CEP350: variants seen among roughly 807,000 people sequenced by gnomAD.
The protein encoded by CEP350 is centrosome-associated protein 350.
Under a neutral mutation model 331.8 loss-of-function variants are expected in CEP350, and 126 were observed. The ratio of observed to expected loss-of-function variants is 0.38; its 90% CI spans 0.33 to 0.44. CEP350 has a LOEUF of 0.44. CEP350 is among the 20% of genes least tolerant of loss of function. The pLI is 1.00. For missense variants in CEP350, 3,406 were observed against 3,634.6 expected (o/e 0.94, Z 1.62); for synonymous variants, 1,200 against 1,259.5 (o/e 0.95, Z 1.00).
chr1:179,979,644 C>T (rs879438893), intron 1 of CEP350, among the ~76,000 whole-genome samples: 3 of 151,714 alleles, frequency 2.0e-5, no homozygotes, highest in Non-Finnish European at 4.4e-5. Flanking sequence ...TGAACTGTTT[C>T]CCTTATGTTT....
chr1:180,104,104 G>A (rs1033280151), intron 37 of CEP350, among the ~76,000 whole-genome samples: 5 of 147,250 alleles, frequency 3.4e-5, no homozygotes, highest in Non-Finnish European at 6.0e-5. Context: ...AAATATTTTT[G>A]TTATATTTTA....
chr1:180,108,911 A>T (rs1395201318), intron 37 of CEP350, among the ~76,000 whole-genome samples: 1 of 152,204 alleles, frequency 6.6e-6, no homozygotes, highest in Non-Finnish European at 1.5e-5. Context: ...AAATGTTTAC[A>T]TATCCTCCAA....
intron 28 of CEP350, among the ~76,000 whole-genome samples, chr1:180,076,100 G>A (rs897500402): frequency 2.0e-5 from 3 of 151,880 alleles, no homozygotes; most frequent in African/African-American, 7.3e-5. Context: ...ACCAGTAAAG[G>A]AATTGTACCC....
rs528134458 is a variant in CEP350 at position 180,075,247 on chromosome 1, C to G, written c.5767+26C>G. ...GTAATAAATACTAACTCTGTTCACA[C>G]TACAAACTAAAGCCTAACATAATTG... On this transcript the variant is annotated intron_variant, in intron 28 of 37. Coordinates refer to ENST00000367607, the MANE Select transcript of CEP350 (RefSeq NM_014810.5). The G allele has an allele frequency of 2.4e-5, 38 of 1,554,962 alleles. 1 individual carries two copies. The South Asian group carries it at 4.2e-4, about 17-fold the overall frequency.
At chr1:180,062,920 G>C (rs1658314029) in intron 26 of CEP350, among the ~76,000 whole-genome samples, 1 of 152,202 alleles carries the variant, frequency 6.6e-6, no homozygotes, top group East Asian at 1.9e-4. Flanking sequence ...AATGTATAGT[G>C]AGAGTTTTAT....
In CEP350 at chr1:180,054,488, T is replaced by C. The variant is rs766166848; in HGVS notation, c.5248T>C (p.Leu1750=). 2.5e-6 allele frequency: 4 copies of C among 1,599,370 alleles called. No individual in the cohort carries two copies. Among genetic ancestry groups the C allele is most frequent in the Non-Finnish European group, 3.4e-6 (4 of 1,172,694 alleles). ...GAAACAGCGTGGTTTGCTTTTAAGGTTGCAGCAAGAAAAGGTATGTTAGGG... is the reference window on the plus strand; with the variant it reads ...GAAACAGCGTGGTTTGCTTTTAAGGCTGCAGCAAGAAAAGGTATGTTAGGG... ...RKKQRGLLLR[L]QQEKAEIKRL... Residue 1750 remains leucine (L), a synonymous_variant, in exon 25 of 38, where the codon TTG becomes CTG. Coordinates refer to ENST00000367607, the MANE Select transcript of CEP350 (RefSeq NM_014810.5).
At chr1:180,073,743 C>T in intron 27 of CEP350, 2 of 1,292,492 alleles carry the variant, frequency 1.5e-6, no homozygotes, top group Non-Finnish European at 2.0e-6. Context: ...TTCTTCCTGC[C>T]TCTTGATCTC....
At chr1:179,975,609 ATAAC>A (rs1371268744) in intron 1 of CEP350, among the ~76,000 whole-genome samples, 1 of 152,182 alleles carries the variant, frequency 6.6e-6, no homozygotes, top group Non-Finnish European at 1.5e-5. Context: ...AAATGATATG[ATAAC>A]TAAGTATATG....
chr1:180,004,660 C>T (rs1221166254), intron 7 of CEP350, among the ~76,000 whole-genome samples: 1 of 152,222 alleles, frequency 6.6e-6, no homozygotes, highest in Non-Finnish European at 1.5e-5. Context: ...TCAGTGACTT[C>T]CACATTGCTA....
intron 28 of CEP350, among the ~76,000 whole-genome samples, chr1:180,077,692 G>T (rs1425340195): frequency 1.6e-4 from 11 of 69,902 alleles, no homozygotes; most frequent in African/African-American, 4.0e-4. Flanking sequence ...AAAAAAAAAA[G>T]CCAAAATAAA....
intron 11 of CEP350, among the ~76,000 whole-genome samples, chr1:180,019,348 T>C (rs1179510578): frequency 2.6e-5 from 4 of 152,220 alleles, no homozygotes; most frequent in Admixed American, 2.6e-4. Context: ...TGCATATTTA[T>C]AGTTGGCACT....
intron 18 of CEP350, 148 bp from the exon 19 acceptor site, chr1:180,041,514 A>G (rs2148918812): frequency 1.2e-6 from 1 of 809,672 alleles, no homozygotes; most frequent in East Asian, 2.7e-5. Flanking sequence ...TGTGAACAGT[A>G]GAGTTAAGAC....
intron 14 of CEP350, among the ~76,000 whole-genome samples, chr1:180,031,109 T>G (rs1055580460): frequency 6.6e-6 from 1 of 152,220 alleles, no homozygotes; most frequent in African/African-American, 2.4e-5. Context: ...CAAGTGGAAT[T>G]AATGGAAGAA....
At chr1:180,035,480 C>T (rs913074996) in intron 16 of CEP350, among the ~76,000 whole-genome samples, 1 of 152,192 alleles carries the variant, frequency 6.6e-6, no homozygotes, top group African/African-American at 2.4e-5. Context: ...GGGGTTAATA[C>T]AGCTGATGAC....
chr1:180,075,439 A>G (rs1659157221), intron 28 of CEP350, among the ~76,000 whole-genome samples: 1 of 139,646 alleles, frequency 7.2e-6, no homozygotes, highest in Non-Finnish European at 1.6e-5. Flanking sequence ...TTAAAAAATT[A>G]GCTGGGTGTG....
chr1:180,033,367 G>A (rs1258911096), intron 15 of CEP350, among the ~76,000 whole-genome samples: 2 of 152,118 alleles, frequency 1.3e-5, no homozygotes, highest in Admixed American at 6.5e-5. Flanking sequence ...GATGAATAGT[G>A]TGAAATTTTT....
At chr1:180,100,201 G>A (rs1231065170) in intron 37 of CEP350, among the ~76,000 whole-genome samples, 1 of 152,176 alleles carries the variant, frequency 6.6e-6, no homozygotes, top group Non-Finnish European at 1.5e-5. Flanking sequence ...ATAATTACAT[G>A]AGGTAGGAAG....
In CEP350 at chr1:180,054,407, A is replaced by G; in HGVS notation, c.5175-8A>G. The G allele has an allele frequency of 6.4e-7, 1 of 1,569,226 alleles. No homozygotes were observed. Among genetic ancestry groups the G allele is most frequent in the South Asian group, 1.2e-5 (1 of 85,552 alleles). On this transcript the variant is annotated splice_polypyrimidine_tract_variant and splice_region_variant and intron_variant, in intron 24 of 37. Transcript: ENST00000367607. ...AATCTTTGTCTCAATGAAAAATATT[A>G]TTTGCAGACATCTACGAGACAAAGG...
At chr1:180,094,887 T>G (rs1375452087) in intron 34 of CEP350, among the ~76,000 whole-genome samples, 1 of 152,226 alleles carries the variant, frequency 6.6e-6, no homozygotes, top group African/African-American at 2.4e-5. Flanking sequence ...AACTAAAACA[T>G]CCATTTAAAC....
Sources: gnomAD v4.1 joint callset for allele counts (sites outside exome capture counted in the v4.1 genomes callset) on GRCh38, gnomAD v4.1.1 for gene constraint, MANE v1.5 for transcripts, NCBI Gene and HGNC (gene_info 2026-07-23, HGNC 2026-07-21) for gene names.